NBPF10: variants seen among roughly 807,000 people sequenced by gnomAD.
NBPF10 encodes the protein NBPF family member NBPF10.
Under a neutral mutation model 77.9 loss-of-function variants are expected in NBPF10, and 63 were observed. The observed-to-expected ratio is 0.81, with a 90% CI of 0.66 to 1.00. The LOEUF (loss-of-function observed/expected upper bound fraction) is 1.00. NBPF10 is among the 50% of genes least tolerant of loss of function. The pLI, the probability that NBPF10 is intolerant of heterozygous loss-of-function variation, is 0.00. For missense variants in NBPF10, 522 were observed against 679.8 expected (o/e 0.77, Z 2.58); for synonymous variants, 146 against 264.5 (o/e 0.55, Z 4.35).
exon 86 of NBPF10, chr1:146,069,598 T>A (rs782628645): frequency 9.1e-6 from 14 of 1,543,528 alleles, no homozygotes; most frequent in South Asian, 8.9e-5. Flanking sequence ...AAAAGGCACT[T>A]CTGTAGGGCT....
intron 7 of NBPF10, 150 bp downstream of exon 7, chr1:146,136,203 C>T (rs1659684503): frequency 1.3e-6 from 1 of 791,436 alleles, no homozygotes. Flanking sequence ...TATCCTTCTT[C>T]TCTGATAAAT....
chr1:146,136,545 A>T, intron 6 of NBPF10, 90 bp from the exon 7 acceptor site: 1 of 770,004 alleles, frequency 1.3e-6, no homozygotes, highest in Non-Finnish European at 2.2e-6. Flanking sequence ...GTCCATCCCA[A>T]GGACAAAACT....
chr1:146,118,414 TA>T lies in NBPF10; in HGVS notation c.3163del (p.Tyr1055MetfsTer83). On this transcript the variant is annotated frameshift_variant, in exon 24 of 90. Transcript: ENST00000583866. LOFTEE classifies it high-confidence loss of function. ...GCCAACATGGTTTTCCTCCAATGCA[TA>T]AAAGGAACTTCCATAGGGCTGGCAG... is the stretch of plus-strand genomic sequence containing the variant. The T allele has an allele frequency of 1.7e-5, 3 of 173,784 alleles. No homozygotes were observed. The highest frequency in any genetic ancestry group is 2.6e-5 in the Non-Finnish European group (3 of 116,082). The allele number at this position is 173,784 out of a possible 1,614,324, so 10.8% of individuals were successfully genotyped here. A position where few individuals can be genotyped will look rare whatever the true frequency, so the allele number is the denominator to read the frequency against.
At chr1:146,139,336 C>G (rs1553796325) in intron 5 of NBPF10, among the ~76,000 whole-genome samples, 1 of 151,866 alleles carries the variant, frequency 6.6e-6, no homozygotes, top group African/African-American at 2.4e-5. Context: ...GTCTCAATCT[C>G]CTGACCTCAT....
intron 89 of NBPF10, 56 bp downstream of exon 89, chr1:146,067,124 T>C: frequency 1.6e-6 from 1 of 626,796 alleles, no homozygotes; most frequent in South Asian, 1.6e-5. Context: ...TTTCCCTGAA[T>C]CTGTTGCCTC....
intron 14 of NBPF10, among the ~76,000 whole-genome samples, 170 bp downstream of exon 14, chr1:146,126,066 C>G (rs1553789776): frequency 6.6e-6 from 1 of 151,766 alleles, no homozygotes; most frequent in Admixed American, 6.5e-5. Flanking sequence ...TGACCCATCC[C>G]TTGTCTGGGC....
chr1:146,143,421 AATAG>A (rs1553798246), intron 1 of NBPF10, among the ~76,000 whole-genome samples: 1 of 150,436 alleles, frequency 6.6e-6, no homozygotes, highest in South Asian at 2.1e-4. Context: ...ATGAAGAACT[AATAG>A]ATAGTGTTTA....
chr1:146,138,785 G>GTTT (rs1306781472), intron 5 of NBPF10, among the ~76,000 whole-genome samples: 1 of 135,206 alleles, frequency 7.4e-6, no homozygotes, highest in East Asian at 2.2e-4. Context: ...TTCTTTTTTG[G>GTTT]TTTTTTGTTT....
At chr1:146,126,558 G>C (rs587736029) in intron 13 of NBPF10, 150 bp from the exon 14 acceptor site, 1 of 705,638 alleles carries the variant, frequency 1.4e-6, no homozygotes, top group East Asian at 2.7e-5. Context: ...TTTATGTTGG[G>C]ATTGACTAGG....
chr1:146,093,120 GGAATATGACCCTAACCA>G, intron 56 of NBPF10, 45 bp downstream of exon 56: 1 of 167,026 alleles, frequency 6.0e-6, no homozygotes, highest in Admixed American at 8.2e-5. Flanking sequence ...ACTTGCAGTA[GGAATATGACCCTAACCA>G]GAAGACTCAG....
chr1:146,069,842 A>C, intron 85 of NBPF10, 127 bp from the exon 86 acceptor site: 4 of 552,156 alleles, frequency 7.2e-6, no homozygotes, highest in Non-Finnish European at 1.3e-5. Context: ...TAATGAGGTA[A>C]CAAATTATTG....
rs1371454762 is a variant in NBPF10, at chr1:146,125,262, C to T, written c.2078+203G>A. ...TGCCATACAGCCTTTGAGGTATGGT[C>T]AACCTATAGTAAGTGAGTAAATGAT... On this transcript the variant is annotated intron_variant, in intron 15 of 89. Transcript: ENST00000583866. Among the ~76,000 whole-genome samples the T allele has an allele frequency of 1.2e-4, 4 of 34,002 alleles. 1 individual carries two copies. Among genetic ancestry groups the T allele is most frequent in the Non-Finnish European group, 2.2e-4 (4 of 18,586 alleles). 22.3% of individuals were successfully genotyped at this position (34,002 alleles called of 152,430 possible). A position where few individuals can be genotyped will look rare whatever the true frequency, so the allele number is the denominator to read the frequency against.
chr1:146,102,296 TAG>T (rs1657143959), intron 44 of NBPF10, among the ~76,000 whole-genome samples: 1 of 41,786 alleles, frequency 2.4e-5, no homozygotes, highest in Non-Finnish European at 4.1e-5. Context: ...ACGCTGAAAT[TAG>T]AGTGAAGGAT....
chr1:146,114,839 G>A lies in NBPF10; in HGVS notation c.3716-319C>T, dbSNP rs1434018231. Among the ~76,000 whole-genome samples the A allele has an allele frequency of 4.1e-4, 12 of 28,964 alleles. 6 individuals carry two copies. Among genetic ancestry groups the A allele is most frequent in the South Asian group, 1.7e-3 (2 of 1,150 alleles). The allele number at this position is 28,964 out of a possible 152,430, so 19.0% of individuals were successfully genotyped here. On this transcript the variant is annotated intron_variant, in intron 28 of 89. Coordinates refer to ENST00000583866, the Ensembl canonical transcript of NBPF10. ...GATGATTTCCAGGAGGAAAACTGCA[G>A]TATTCAGCCCTGTCTCATCAAATGC...
At chr1:146,136,634 CA>C (rs1553795078) in intron 6 of NBPF10, among the ~76,000 whole-genome samples, 179 bp from the exon 7 acceptor site, 1 of 142,880 alleles carries the variant, frequency 7.0e-6, no homozygotes, top group East Asian at 2.1e-4. Context: ...TCTGATCCTC[CA>C]AAATTTAGAG....
At chr1:146,126,487 C>T in intron 13 of NBPF10, 79 bp from the exon 14 acceptor site, 1 of 730,644 alleles carries the variant, frequency 1.4e-6, no homozygotes, top group East Asian at 2.6e-5. Context: ...TCATGGCTAA[C>T]ATAAGGAAGA....
intron 7 of NBPF10, 78 bp downstream of exon 7, chr1:146,136,275 T>A (rs1209346651): frequency 1.1e-6 from 1 of 901,316 alleles, no homozygotes; most frequent in African/African-American, 1.7e-5. Context: ...GCTTAGCTCT[T>A]ACGTCTCCCC....
intron 12 of NBPF10, among the ~76,000 whole-genome samples, 170 bp downstream of exon 12, chr1:146,127,949 T>G: frequency 6.7e-6 from 1 of 150,160 alleles, no homozygotes; most frequent in South Asian, 2.1e-4. Flanking sequence ...ACCCACCCCA[T>G]GCCTGTGCTT....
intron 89 of NBPF10, among the ~76,000 whole-genome samples, 190 bp downstream of exon 89, chr1:146,066,990 C>G (rs1345673416): frequency 6.3e-5 from 9 of 142,410 alleles, no homozygotes; most frequent in African/African-American, 2.0e-4. Context: ...ACCTATGGTA[C>G]GTTAGGAAAT....
Sources: gnomAD v4.1 joint callset for allele counts (sites outside exome capture counted in the v4.1 genomes callset) on GRCh38, gnomAD v4.1.1 for gene constraint, MANE v1.5 for transcripts, NCBI Gene and HGNC (gene_info 2026-07-23, HGNC 2026-07-21) for gene names.